The following KLKB1 variants were observed in gnomAD, a reference collection of about 807,000 sequenced individuals.
KLKB1 encodes the protein kallikrein B1.
KLKB1 carries 58 observed loss-of-function variants against 73.6 expected under a neutral mutation model. The observed-to-expected ratio is 0.79, with a 90% CI of 0.64 to 0.98. The LOEUF (loss-of-function observed/expected upper bound fraction) is 0.98. Ranked by LOEUF, KLKB1 falls within the 50% of genes least tolerant of loss-of-function variation. The pLI is 0.00. For missense variants in KLKB1, 737 were observed against 763.8 expected, an observed-to-expected ratio of 0.96 and a Z score of 0.41; for synonymous variants, 280 against 258.1, an observed-to-expected ratio of 1.08 and a Z score of -0.81.
intron 2 of KLKB1, among the ~76,000 whole-genome samples, chr4:186,219,153 T>C (rs1490224045): frequency 2.6e-5 from 4 of 152,238 alleles, no homozygotes; most frequent in East Asian, 1.9e-4. Context: ...CCCACCCAGA[T>C]TGAGGGTGGG....
chr4:186,253,321 A>G lies in KLKB1; in HGVS notation c.1313+1136A>G, dbSNP rs529474783. 9.2e-5 allele frequency among the ~76,000 whole-genome samples: 14 copies of G among 152,332 alleles called. No homozygotes were observed. The Middle Eastern group carries it at 0.01, about 111-fold the overall frequency. ...AGTGAAATTCATGCTTACATGCTGT[A>G]TACTAGGATTGAACATACTGCCACC... On this transcript the variant is annotated intron_variant, in intron 11 of 14. Transcript: ENST00000264690.
At chr4:186,236,107 CCGTCT>C (rs1355646020) in intron 4 of KLKB1, among the ~76,000 whole-genome samples, 13 of 96,482 alleles carry the variant, frequency 1.3e-4, no homozygotes, top group African/African-American at 5.6e-4. Context: ...GAGCGAGACT[CCGTCT>C]CAAAAAAAAA....
At chr4:186,242,419 G>A (rs2126650643) in intron 6 of KLKB1, among the ~76,000 whole-genome samples, 1 of 152,260 alleles carries the variant, frequency 6.6e-6, no homozygotes, top group Middle Eastern at 3.4e-3. Context: ...GAGATAATGG[G>A]CGATGTTTCT....
In KLKB1 at chr4:186,251,341, GATA is replaced by G. The variant is rs1321920661; in HGVS notation, c.868+20_868+22del. 1.3e-6 allele frequency: 2 copies of G among 1,542,132 alleles called. No homozygotes were observed. The highest frequency in any genetic ancestry group is 3.3e-5 in the Admixed American group (2 of 59,936). The stretch of plus-strand genomic sequence containing the variant: ...AGAACTTTACCTGGTAATGTGATTT[GATA>G]ATAATATTACATAAAATGTAACCTA... On this transcript the variant is annotated intron_variant, in intron 8 of 14. Transcript: ENST00000264690.
chr4:186,250,032 A>C (rs953875604), intron 6 of KLKB1, among the ~76,000 whole-genome samples: 1 of 152,150 alleles, frequency 6.6e-6, no homozygotes, highest in Non-Finnish European at 1.5e-5. Flanking sequence ...ATTTCTCTGA[A>C]ATAGGAATTT....
chr4:186,242,473 A>G (rs888857670), intron 6 of KLKB1, among the ~76,000 whole-genome samples: 5 of 152,058 alleles, frequency 3.3e-5, no homozygotes, highest in African/African-American at 1.2e-4. Context: ...GGGAACCTAC[A>G]GTGGGAGAGA....
chr4:186,252,306 T>C, intron 11 of KLKB1, 121 bp downstream of exon 11: 1 of 1,080,306 alleles, frequency 9.3e-7, no homozygotes, highest in Non-Finnish European at 1.4e-6. Flanking sequence ...GCGGGGATGG[T>C]ATTCACAACA....
chr4:186,235,934 T>A (rs1737645261), intron 4 of KLKB1, among the ~76,000 whole-genome samples: 1 of 151,652 alleles, frequency 6.6e-6, no homozygotes, highest in Non-Finnish European at 1.5e-5. Context: ...GCTGACACGG[T>A]GAAACCCCGT....
upstream of KLKB1, among the ~76,000 whole-genome samples, chr4:186,226,191 A>G (rs539750042): frequency 6.6e-6 from 1 of 151,646 alleles, no homozygotes; most frequent in African/African-American, 2.4e-5. Flanking sequence ...TTTACTGTCT[A>G]TCTATATTGT....
In KLKB1 at chr4:186,257,274, A is replaced by C; in HGVS notation, c.1634A>C (p.Asn545Thr). The C allele has an allele frequency of 6.2e-7, 1 of 1,602,588 alleles. No individual in the cohort carries two copies. Among genetic ancestry groups the C allele is most frequent in the East Asian group, 2.2e-5 (1 of 44,448 alleles). The change falls in exon 14 of 15, where the codon AAT (asparagine) becomes ACT (threonine). Residue 545 changes from asparagine to threonine, a missense_variant. Physicochemically the swap from Asn to Thr is moderately conservative, Grantham distance 65. Coordinates refer to ENST00000264690, the MANE Select transcript of KLKB1 (RefSeq NM_000892.5). Reference protein sequence around the residue: ...LQKVNIPLVTNEECQKRYQDY... With the variant: ...LQKVNIPLVTTEECQKRYQDY... ...AAGGTAAATATTCCTTTGGTAACAA[A>C]TGAAGAATGCCAGAAAAGATATCAA...
At chr4:186,235,742 AC>A (rs1737630608) in intron 4 of KLKB1, among the ~76,000 whole-genome samples, 1 of 152,184 alleles carries the variant, frequency 6.6e-6, no homozygotes. Context: ...GGGGAATAAA[AC>A]TTTAAAAAAG....
chr4:186,211,093 C>T lies in KLKB1; in HGVS notation c.201+1821C>T, dbSNP rs564129543. 2.4e-4 allele frequency: 40 copies of T among 170,122 alleles called. No homozygotes were observed. The highest frequency in any genetic ancestry group is 5.3e-4 in the Admixed American group (9 of 17,120). The allele number at this position is 170,122 out of a possible 1,614,324, so 10.5% of individuals were successfully genotyped here. A position where few individuals can be genotyped will look rare whatever the true frequency, so the allele number is the denominator to read the frequency against. ...ACCTCAAGTGATCCACCTGCCTCAG[C>T]CTCCCAAAGTGCTGGGATTATAGTC... On this transcript the variant is annotated intron_variant, in intron 2 of 14. Transcript: ENST00000511608.
At chr4:186,233,118 T>TAA (rs3836616) in intron 3 of KLKB1, among the ~76,000 whole-genome samples, 84,975 of 151,688 alleles carry the variant, frequency 0.56, 24,151 homozygotes, top group East Asian at 0.68. Context: ...TTTCACCACA[T>TAA]TGGCCAGGCT....
intron 4 of KLKB1, among the ~76,000 whole-genome samples, chr4:186,235,164 AT>A (rs1737593673): frequency 6.6e-6 from 1 of 152,190 alleles, no homozygotes; most frequent in Non-Finnish European, 1.5e-5. Flanking sequence ...TACATTTCCT[AT>A]TTTAAAAGAT....
intron 2 of KLKB1, among the ~76,000 whole-genome samples, chr4:186,220,360 T>C (rs927829038): frequency 4.6e-5 from 7 of 152,218 alleles, no homozygotes; most frequent in Non-Finnish European, 1.0e-4. Context: ...TCCACCGTTC[T>C]ATCAATACAG....
intron 6 of KLKB1, among the ~76,000 whole-genome samples, chr4:186,243,016 C>G (rs1237948351): frequency 6.6e-6 from 1 of 150,480 alleles, no homozygotes; most frequent in South Asian, 2.1e-4. Flanking sequence ...CTTCTCAGAC[C>G]CTGTGGGAAA....
intron 2 of KLKB1, chr4:186,211,785 C>G (rs2126605625): frequency 1.3e-5 from 2 of 152,086 alleles, no homozygotes; most frequent in South Asian, 4.2e-4. Context: ...CCAGTTATGA[C>G]AAGAATAATC....
At chr4:186,245,959 G>A (rs537826559) in intron 6 of KLKB1, among the ~76,000 whole-genome samples, 112 of 151,754 alleles carry the variant, frequency 7.4e-4, no homozygotes, top group South Asian at 8.4e-4. Context: ...ACTGGGCTGG[G>A]TTTTTCATAT....
chr4:186,239,175 A>G (rs1311046022), intron 6 of KLKB1, among the ~76,000 whole-genome samples: 1 of 138,172 alleles, frequency 7.2e-6, no homozygotes, highest in Non-Finnish European at 1.5e-5. Context: ...GTACAGTGAC[A>G]TAGGACAGTG....
Sources: allele counts gnomAD v4.1 joint callset (sites outside exome capture counted in the v4.1 genomes callset), GRCh38; gene constraint gnomAD v4.1.1; transcripts MANE v1.5; gene names NCBI Gene and HGNC (gene_info 2026-07-23, HGNC 2026-07-21).